Variants in KCNU1 observed in about 807,000 individuals in gnomAD.
KCNU1 encodes the protein potassium channel subfamily U member 1.
A neutral mutation model predicts 126.8 loss-of-function variants in KCNU1; 93 were observed. The ratio of observed to expected loss-of-function variants is 0.73; its 90% CI spans 0.62 to 0.87. The LOEUF is 0.87. KCNU1 is among the 40% of genes least tolerant of loss of function. The pLI is 0.00. For synonymous variants in KCNU1, 523 were observed against 494.2 expected (o/e 1.06, Z -0.77); for missense variants, 1,330 against 1,367.1 (o/e 0.97, Z 0.43).
intron 10 of KCNU1, among the ~76,000 whole-genome samples, chr8:36,818,098 A>G (rs1015728718): frequency 9.2e-5 from 14 of 152,306 alleles, no homozygotes; most frequent in African/African-American, 3.4e-4. Flanking sequence ...TCAGAATTAG[A>G]AATGTGAAGT....
chr8:36,865,051 C>A (rs781735283), intron 19 of KCNU1, among the ~76,000 whole-genome samples: 4 of 152,018 alleles, frequency 2.6e-5, no homozygotes, highest in Non-Finnish European at 4.4e-5. Flanking sequence ...TTCTATTATT[C>A]CAAACTTTAA....
At chr8:36,828,831 A>G (rs1413663072) in intron 10 of KCNU1, among the ~76,000 whole-genome samples, 1 of 152,090 alleles carries the variant, frequency 6.6e-6, no homozygotes, top group East Asian at 1.9e-4. Flanking sequence ...TTAGGCCATT[A>G]GTCATTTTTT....
intron 19 of KCNU1, chr8:36,888,947 C>T (rs1806837455): frequency 2.5e-6 from 1 of 398,708 alleles, no homozygotes; most frequent in Non-Finnish European, 5.1e-6. Context: ...GGCACAATCA[C>T]AGCTCACTGC....
At chr8:36,867,410 A>G (rs1353909664) in intron 19 of KCNU1, among the ~76,000 whole-genome samples, 1 of 152,148 alleles carries the variant, frequency 6.6e-6, no homozygotes, top group Admixed American at 6.5e-5. Flanking sequence ...GTGCCGTGGG[A>G]AAGTCTCAAA....
rs1486544090 is a variant in KCNU1 at position 36,807,468 on chromosome 8, A to G, written c.656+18A>G. 2 of 1,556,776 alleles carry G rather than the reference A, an allele frequency of 1.3e-6. No individual in the cohort carries two copies. The highest frequency in any genetic ancestry group is 2.2e-5 in the South Asian group (2 of 89,940). On this transcript the variant is annotated intron_variant, in intron 6 of 26. Coordinates refer to ENST00000399881, the MANE Select transcript of KCNU1 (RefSeq NM_001031836.3). ...AAGACCAGGTAAATAGCCCTGACCG[A>G]AGTACTGCTTACTTATTAGTTTGGA...
chr8:36,808,815 C>T (rs769198919), intron 7 of KCNU1, 22 bp downstream of exon 7: 1 of 1,551,558 alleles, frequency 6.4e-7, no homozygotes, highest in Non-Finnish European at 8.9e-7. Flanking sequence ...ATCACAATCC[C>T]TAGTGGTGTC....
At chr8:36,880,779 C>T (rs1347456076) in intron 19 of KCNU1, among the ~76,000 whole-genome samples, 1 of 152,132 alleles carries the variant, frequency 6.6e-6, no homozygotes, top group East Asian at 1.9e-4. Context: ...CTGAGGCATC[C>T]ACCTCCACAT....
rs1168297104 is a variant in KCNU1 at position 36,865,180 on chromosome 8, G to A, written c.2009+659G>A. Among the ~76,000 whole-genome samples, 8 of 152,012 alleles carry A rather than the reference G, an allele frequency of 5.3e-5. No individual in the cohort carries two copies. The East Asian group carries it at 1.3e-3, about 26-fold the overall frequency. On this transcript the variant is annotated intron_variant, in intron 19 of 26. Coordinates refer to ENST00000399881, the MANE Select transcript of KCNU1 (RefSeq NM_001031836.3). ...AGGGTAAATATATTATCAAAGAGTC[G>A]TTATACTGTGGCATTACATAATGTT...
At chr8:36,881,955 A>C (rs1455808252) in intron 19 of KCNU1, among the ~76,000 whole-genome samples, 1 of 151,998 alleles carries the variant, frequency 6.6e-6, no homozygotes, top group Non-Finnish European at 1.5e-5. Context: ...CAAGTTTATC[A>C]ATCTCTGTTA....
At chr8:36,825,261 A>G (rs907207908) in intron 10 of KCNU1, among the ~76,000 whole-genome samples, 16 of 152,314 alleles carry the variant, frequency 1.1e-4, no homozygotes, top group African/African-American at 3.8e-4. Flanking sequence ...TTTCAGATCC[A>G]TAAGCCACCT....
chr8:36,860,499 A>C (rs192329639), intron 18 of KCNU1, among the ~76,000 whole-genome samples: 2 of 152,252 alleles, frequency 1.3e-5, no homozygotes, highest in South Asian at 2.1e-4. Flanking sequence ...TTGGGCATGA[A>C]GTTTCTCAGC....
chr8:36,805,284 G>A lies in KCNU1; in HGVS notation c.467G>A (p.Arg156Lys). ...TTCTTTAGTTTCTATTTTGGATTGA[G>A]GGTAAGTACCTATTGAAAGTGGGAG... ...NAFFSFYFGL[R>K]FMAADDKIKF... Residue 156 changes from arginine to lysine, a missense_variant and splice_region_variant, in exon 4 of 27, where the codon AGG (arginine) becomes AAG (lysine). Arg to Lys is a conservative substitution (Grantham distance 26). Around this residue, in one of 3 missense-constraint regions of KCNU1, gnomAD observed 247 missense variants for 255.4 expected, o/e 0.97. Transcript: ENST00000399881. 2 of 1,569,930 alleles carry A rather than the reference G, an allele frequency of 1.3e-6. No individual in the cohort carries two copies. Among genetic ancestry groups the A allele is most frequent in the African/African-American group, 1.3e-5 (1 of 74,332 alleles).
chr8:36,824,079 C>T (rs1215245988), intron 10 of KCNU1, among the ~76,000 whole-genome samples: 1 of 152,068 alleles, frequency 6.6e-6, no homozygotes, highest in African/African-American at 2.4e-5. Flanking sequence ...TCAGGTGATC[C>T]ACCCGCCTCT....
At position 36,787,309 on chromosome 8, in the gene KCNU1, C is replaced by T. The variant is rs370399751; in HGVS notation, c.199C>T (p.Leu67=). Reference sequence around the variant, plus strand: ...AATTTCTTTCTCTTGATTGTAGGAACTGTTCACATCAGGTACCATCGCTAG... The same window carrying T: ...AATTTCTTTCTCTTGATTGTAGGAATTGTTCACATCAGGTACCATCGCTAG... ...IIKGTGIILE[L]FTSGTIARSH... Residue 67 remains leucine (L), a synonymous_variant, in exon 2 of 27, where the codon CTG becomes TTG. Transcript: ENST00000399881. 1 of 1,607,874 alleles carries T rather than the reference C, an allele frequency of 6.2e-7. No individual in the cohort carries two copies. Among genetic ancestry groups the T allele is most frequent in the Admixed American group, 1.7e-5 (1 of 59,344 alleles).
intron 10 of KCNU1, among the ~76,000 whole-genome samples, chr8:36,827,192 C>G (rs1282881890): frequency 6.6e-6 from 1 of 152,200 alleles, no homozygotes; most frequent in Non-Finnish European, 1.5e-5. Context: ...GGCACTTCTG[C>G]CTCAGGACCA....
intron 14 of KCNU1, among the ~76,000 whole-genome samples, chr8:36,838,003 T>A (rs1197503199): frequency 6.6e-6 from 1 of 152,196 alleles, no homozygotes; most frequent in Admixed American, 6.5e-5. Context: ...AAGTAAGAGG[T>A]GCTCTGGCCA....
intron 11 of KCNU1, among the ~76,000 whole-genome samples, chr8:36,834,122 A>T (rs1280431682): frequency 6.6e-6 from 1 of 152,220 alleles, no homozygotes; most frequent in Non-Finnish European, 1.5e-5. Flanking sequence ...TAAAGTTGTG[A>T]CGCAAAATAA....
intron 10 of KCNU1, 28 bp from the exon 11 acceptor site, chr8:36,833,526 C>A: frequency 7.4e-7 from 1 of 1,346,852 alleles, no homozygotes; most frequent in South Asian, 1.2e-5. Flanking sequence ...TTTTTTCCCT[C>A]ATTGCTGCCA....
chr8:36,887,075 CT>C, intron 19 of KCNU1, among the ~76,000 whole-genome samples: 1 of 152,124 alleles, frequency 6.6e-6, no homozygotes, highest in South Asian at 2.1e-4. Flanking sequence ...GTTTCCATAT[CT>C]TTACAATTGT....
Sources: gnomAD v4.1 joint callset for allele counts (sites outside exome capture counted in the v4.1 genomes callset) on GRCh38, gnomAD v4.1.1 for gene constraint, gnomAD v4.1.1 regional missense constraint, MANE v1.5 for transcripts, NCBI Gene and HGNC (gene_info 2026-07-23, HGNC 2026-07-21) for gene names.